Variants in ARL6IP6 observed in about 807,000 individuals in gnomAD.
ARL6IP6 encodes the protein ADP-ribosylation factor-like protein 6-interacting protein 6.
ARL6IP6 carries 22 observed loss-of-function variants against 21.5 expected under a neutral mutation model. The observed-to-expected ratio is 1.02, with a 90% CI of 0.73 to 1.46. The LOEUF is 1.46. Among genes scored for constraint, ARL6IP6 ranks in the 40% most tolerant of loss-of-function variants. ARL6IP6 has a pLI of 0.00. For synonymous variants in ARL6IP6, 164 were observed against 125.3 expected, an observed-to-expected ratio of 1.31 and a Z score of -2.06; for missense variants, 388 against 299.8, an observed-to-expected ratio of 1.29 and a Z score of -2.17.
At position 152,730,777 on chromosome 2, in the gene ARL6IP6, A is replaced by G. The variant is rs925516057; in HGVS notation, c.455-4217A>G. On this transcript the variant is annotated intron_variant, in intron 2 of 3. Coordinates refer to ENST00000326446, the MANE Select transcript of ARL6IP6 (RefSeq NM_152522.7). The stretch of plus-strand genomic sequence containing the variant: ...AGCCACATGACCATGTGGTGTTTCT[A>G]TGCCAGGCTTAGGGCAGAGGCATCT... Among the ~76,000 whole-genome samples the G allele has an allele frequency of 1.1e-4, 17 of 152,218 alleles. No homozygotes were observed. In the East Asian group the frequency reaches 2.9e-3, roughly 26 times the overall value.
intron 3 of ARL6IP6, among the ~76,000 whole-genome samples, chr2:152,743,209 A>C (rs772450519): frequency 2.0e-5 from 3 of 151,250 alleles, no homozygotes; most frequent in Non-Finnish European, 2.9e-5. Flanking sequence ...TAGTGGTGAA[A>C]GTATGTAGCT....
At chr2:152,719,164 T>C in intron 1 of ARL6IP6, 140 bp downstream of exon 1, 1 of 982,432 alleles carries the variant, frequency 1.0e-6, no homozygotes, top group Non-Finnish European at 1.4e-6. Flanking sequence ...CATTTGCATC[T>C]TACTTTGCTC....
At chr2:152,731,201 C>G (rs949401199) in intron 2 of ARL6IP6, among the ~76,000 whole-genome samples, 2 of 152,198 alleles carry the variant, frequency 1.3e-5, no homozygotes, top group Admixed American at 1.3e-4. Flanking sequence ...CCACATCCCT[C>G]TTCTGGAGAA....
chr2:152,732,729 G>T, intron 2 of ARL6IP6: 1 of 266,382 alleles, frequency 3.8e-6, no homozygotes, highest in Non-Finnish European at 7.4e-6. Context: ...ACCAAAATCT[G>T]GATCCTCAAG....
chr2:152,759,486 G>A (rs2105199646), intron 3 of ARL6IP6, among the ~76,000 whole-genome samples: 1 of 152,170 alleles, frequency 6.6e-6, no homozygotes, highest in Admixed American at 6.5e-5. Context: ...AGAAATAATA[G>A]GGATGAAACT....
intron 3 of ARL6IP6, among the ~76,000 whole-genome samples, chr2:152,737,959 A>G (rs1228420123): frequency 6.6e-6 from 1 of 152,206 alleles, no homozygotes; most frequent in African/African-American, 2.4e-5. Context: ...ATCTGAGACA[A>G]GGAAAGTCCC....
intron 3 of ARL6IP6, among the ~76,000 whole-genome samples, chr2:152,744,505 A>G (rs1241503606): frequency 6.6e-6 from 1 of 152,144 alleles, no homozygotes; most frequent in Non-Finnish European, 1.5e-5. Flanking sequence ...AACTTCAGTT[A>G]TTAGTGTTAT....
intron 3 of ARL6IP6, among the ~76,000 whole-genome samples, chr2:152,749,885 G>A (rs1701239950): frequency 6.6e-6 from 1 of 152,162 alleles, no homozygotes; most frequent in South Asian, 2.1e-4. Flanking sequence ...CTAAAGAAAC[G>A]TTCTGGTTTT....
chr2:152,728,567 A>G (rs1296991770), intron 2 of ARL6IP6, among the ~76,000 whole-genome samples: 1 of 152,192 alleles, frequency 6.6e-6, no homozygotes, highest in Non-Finnish European at 1.5e-5. Flanking sequence ...TAAAGTTGCC[A>G]GCATATTTTT....
chr2:152,735,190 C>T (rs185430016), intron 3 of ARL6IP6, 64 bp downstream of exon 3: 40 of 1,564,630 alleles, frequency 2.6e-5, no homozygotes, highest in Non-Finnish European at 3.4e-5. Flanking sequence ...TACTAAAATA[C>T]TCAGAAGCAA....
intron 3 of ARL6IP6, among the ~76,000 whole-genome samples, chr2:152,739,939 C>T (rs1048965948): frequency 6.6e-6 from 1 of 152,160 alleles, no homozygotes; most frequent in Admixed American, 6.5e-5. Context: ...AAGAGACTCA[C>T]ACACTATTAG....
intron 2 of ARL6IP6, 136 bp downstream of exon 2, chr2:152,720,722 T>C (rs904619658): frequency 7.8e-6 from 6 of 769,272 alleles, no homozygotes; most frequent in Non-Finnish European, 1.3e-5. Context: ...AATTTGCATA[T>C]GTTGGTGATA....
chr2:152,760,368 G>A lies in ARL6IP6; in HGVS notation c.*528G>A, dbSNP rs1030812673. ...GATATTCATATAATTAATAGAAGTTGCATTTATATTTTTTATGGGGCATAG... is the reference window on the plus strand; with the variant it reads ...GATATTCATATAATTAATAGAAGTTACATTTATATTTTTTATGGGGCATAG... On this transcript the variant is annotated 3_prime_UTR_variant, in exon 4 of 4. Transcript: ENST00000326446. 3 of 151,438 alleles carry A rather than the reference G, an allele frequency of 2.0e-5. No homozygotes were observed. The highest frequency in any genetic ancestry group is 7.3e-5 in the African/African-American group (3 of 41,102). The allele number at this position is 151,438 out of a possible 1,614,324, so 9.4% of individuals were successfully genotyped here. A position where few individuals can be genotyped will look rare whatever the true frequency, so the allele number is the denominator to read the frequency against.
chr2:152,756,402 C>T (rs1701594521), intron 3 of ARL6IP6, among the ~76,000 whole-genome samples: 1 of 151,906 alleles, frequency 6.6e-6, no homozygotes, highest in South Asian at 2.1e-4. Flanking sequence ...TCTTCATAAC[C>T]TTGGAGTAGT....
At chr2:152,759,143 A>G (rs910463938) in intron 3 of ARL6IP6, among the ~76,000 whole-genome samples, 6 of 152,208 alleles carry the variant, frequency 3.9e-5, no homozygotes, top group Non-Finnish European at 7.3e-5. Context: ...CATGCACATA[A>G]GAGTTATTAA....
At chr2:152,747,128 C>T (rs1278495993) in intron 3 of ARL6IP6, among the ~76,000 whole-genome samples, 1 of 152,034 alleles carries the variant, frequency 6.6e-6, no homozygotes, top group African/African-American at 2.4e-5. Context: ...CCACGCCCAG[C>T]CAACAACTAA....
At chr2:152,727,075 T>C (rs1700082166) in intron 2 of ARL6IP6, among the ~76,000 whole-genome samples, 1 of 152,156 alleles carries the variant, frequency 6.6e-6, no homozygotes, top group South Asian at 2.1e-4. Context: ...CTTCAGGAGG[T>C]ATCCCAGAAG....
intron 2 of ARL6IP6, among the ~76,000 whole-genome samples, chr2:152,730,457 T>C (rs1700254351): frequency 6.6e-6 from 1 of 152,198 alleles, no homozygotes; most frequent in African/African-American, 2.4e-5. Context: ...TCTTTAGACA[T>C]AGTCATCTAA....
At chr2:152,718,313 C>A, upstream of ARL6IP6, 1 of 300,408 alleles carries the variant, frequency 3.3e-6, no homozygotes, top group Non-Finnish European at 5.8e-6. Context: ...GCGGAGGTCT[C>A]CGGCCGGGAC....
Sources: gnomAD v4.1 joint callset for allele counts (sites outside exome capture counted in the v4.1 genomes callset) on GRCh38, gnomAD v4.1.1 for gene constraint, MANE v1.5 for transcripts, NCBI Gene and HGNC (gene_info 2026-07-23, HGNC 2026-07-21) for gene names.